The following HABP2 variants were observed in gnomAD, a reference collection of about 807,000 sequenced individuals.
HABP2 encodes hyaluronan binding protein 2.
A neutral mutation model predicts 66.5 loss-of-function variants in HABP2; 65 were observed. The ratio of observed to expected loss-of-function variants is 0.98; its 90% CI spans 0.80 to 1.20. HABP2 has a LOEUF of 1.20. Ranked by LOEUF, HABP2 falls within the 50% of genes most tolerant of loss-of-function variation. The pLI is 0.00. For synonymous variants in HABP2, 263 were observed against 253.9 expected (o/e 1.04, Z -0.34); for missense variants, 786 against 691.0 (o/e 1.14, Z -1.54).
intron 12 of HABP2, among the ~76,000 whole-genome samples, 183 bp from the exon 13 acceptor site, chr10:113,588,022 C>A (rs546531166): frequency 2.0e-5 from 3 of 152,248 alleles, no homozygotes; most frequent in Admixed American, 1.3e-4. Context: ...GTTATCTTCT[C>A]TCCCTTAGAG....
chr10:113,585,817 A>T lies in HABP2; in HGVS notation c.1397A>T (p.Asp466Val). The change falls in exon 12 of 13, where the codon GAT becomes GTT. Residue 466 changes from aspartate (D) to valine (V), a missense_variant. Coordinates refer to ENST00000351270, the MANE Select transcript of HABP2 (RefSeq NM_004132.5). ...GGAAAAGGGTCCCGCCAGCTCCTGG[A>T]TGCCAAAGTCAAGCTGATTGCCAAC... ...ETGKGSRQLL[D>V]AKVKLIANTL... 5 of 1,613,810 alleles carry T rather than the reference A, an allele frequency of 3.1e-6. No individual in the cohort carries two copies. Among genetic ancestry groups the T allele is most frequent in the Non-Finnish European group, 4.2e-6 (5 of 1,179,700 alleles).
intron 1 of HABP2, among the ~76,000 whole-genome samples, chr10:113,564,278 A>G (rs567093317): frequency 6.6e-6 from 1 of 152,236 alleles, no homozygotes; most frequent in African/African-American, 2.4e-5. Context: ...GGTCCCTCCT[A>G]TGACACATGG....
At chr10:113,572,787 T>A (rs1429969137) in intron 2 of HABP2, 6 of 436,150 alleles carry the variant, frequency 1.4e-5, no homozygotes, top group African/African-American at 1.0e-4. Flanking sequence ...GGAGAAATAA[T>A]GAGCAAGCCA....
intron 7 of HABP2, 54 bp from the exon 8 acceptor site, chr10:113,580,541 G>C: frequency 1.1e-6 from 1 of 912,802 alleles, no homozygotes; most frequent in Non-Finnish European, 1.8e-6. Flanking sequence ...TCTTTAATAA[G>C]ATCCAGTGTG....
rs1330020247 is a variant in HABP2 at position 113,581,908 on chromosome 10, C to A, written c.871C>A (p.Pro291Thr). The change falls in exon 9 of 13, where the codon CCA (proline) becomes ACA (threonine). Residue 291 changes from proline (P) to threonine (T), a missense_variant. Coordinates refer to ENST00000351270, the MANE Select transcript of HABP2 (RefSeq NM_004132.5). ...CTACCCAGAGGAAAGCCCCACTGAGCCATCAACCAAGCTTCCGGGGTTTGA... is the reference window on the plus strand; with the variant it reads ...CTACCCAGAGGAAAGCCCCACTGAGACATCAACCAAGCTTCCGGGGTTTGA... ...VAYPEESPTE[P>T]STKLPGFDSC... 6.2e-7 allele frequency: 1 copy of A among 1,613,992 alleles called. No homozygotes were observed. Among genetic ancestry groups the A allele is most frequent in the South Asian group, 1.1e-5 (1 of 91,078 alleles).
At chr10:113,582,175 G>A in intron 9 of HABP2, 44 bp downstream of exon 9, 3 of 1,562,954 alleles carry the variant, frequency 1.9e-6, no homozygotes, top group South Asian at 2.3e-5. Context: ...TTGAGTGGCT[G>A]GGGGTGCTCT....
intron 2 of HABP2, among the ~76,000 whole-genome samples, chr10:113,573,164 G>T (rs1291209714): frequency 6.6e-6 from 1 of 152,170 alleles, no homozygotes; most frequent in African/African-American, 2.4e-5. Context: ...ACTCCAGCCG[G>T]CTGGAGAGAG....
intron 10 of HABP2, 134 bp downstream of exon 10, chr10:113,583,492 T>C: frequency 4.1e-6 from 3 of 739,226 alleles, no homozygotes; most frequent in Middle Eastern, 2.5e-4. Flanking sequence ...CGGTAGGGAA[T>C]GTATTCCAGG....
At chr10:113,578,208 T>A in intron 6 of HABP2, 63 bp downstream of exon 6, 1 of 1,560,850 alleles carries the variant, frequency 6.4e-7, no homozygotes, top group South Asian at 1.1e-5. Context: ...CCTCTCTGGG[T>A]TTTGTTGCCA....
intron 1 of HABP2, among the ~76,000 whole-genome samples, chr10:113,565,000 C>A (rs1338614136): frequency 6.7e-6 from 1 of 148,944 alleles, no homozygotes; most frequent in Non-Finnish European, 1.5e-5. Flanking sequence ...GCCCCCGCTG[C>A]CACATCCAGC....
At position 113,588,503 on chromosome 10, in the gene HABP2, AC is replaced by A. The variant is rs1274591021; in HGVS notation, c.*135del. ...ACTATCCCTACTCTAAGCAGAGACA[AC>A]TGCCACCCAGCCTGGGCCTTCCCAG... On this transcript the variant is annotated 3_prime_UTR_variant, in exon 13 of 13. Coordinates refer to ENST00000351270, the MANE Select transcript of HABP2 (RefSeq NM_004132.5). 3.3e-5 allele frequency: 21 copies of A among 629,126 alleles called. No individual in the cohort carries two copies. Among genetic ancestry groups the A allele is most frequent in the Non-Finnish European group, 5.1e-5 (19 of 375,374 alleles). 39.0% of individuals were successfully genotyped at this position (629,126 alleles called of 1,614,324 possible). A position where few individuals can be genotyped will look rare whatever the true frequency, so the allele number is the denominator to read the frequency against.
intron 2 of HABP2, among the ~76,000 whole-genome samples, chr10:113,571,404 TC>T: frequency 6.6e-6 from 1 of 152,308 alleles, no homozygotes; most frequent in African/African-American, 2.4e-5. Flanking sequence ...GTCATGTGGG[TC>T]CAGGAGTGGG....
At position 113,589,569 on chromosome 10, in the gene HABP2, T is replaced by G. The variant is rs1845819224; in HGVS notation, c.*1200T>G. On this transcript the variant is annotated 3_prime_UTR_variant, in exon 13 of 13. Coordinates refer to ENST00000351270, the MANE Select transcript of HABP2 (RefSeq NM_004132.5). The stretch of plus-strand genomic sequence containing the variant: ...CGTTTCACACTTCTTTAGAGCTAGC[T>G]GACCTTTGGCCAAAAATAAACTTTG... 2.1e-6 allele frequency: 3 copies of G among 1,445,584 alleles called. No individual in the cohort carries two copies. The highest frequency in any genetic ancestry group is 1.3e-5 in the South Asian group (1 of 76,104). The allele number at this position is 1,445,584 out of a possible 1,614,324, so 89.5% of individuals were successfully genotyped here.
Position 113,577,387 on chromosome 10 carries a change from T to A in HABP2, c.448+121T>A, listed in dbSNP as rs187523384. On this transcript the variant is annotated intron_variant, in intron 5 of 12. Coordinates refer to ENST00000351270, the MANE Select transcript of HABP2 (RefSeq NM_004132.5). ...GTGGCAGGCACCCAAGATGGTCCTT[T>A]TCCCTAGGCTTTCTAAAGATTCATT... The A allele has an allele frequency of 4.1e-4, 282 of 682,462 alleles. 3 individuals are homozygous for A. In the East Asian group the frequency reaches 6.2e-3, roughly 15 times the overall value. 42.3% of individuals were successfully genotyped at this position (682,462 alleles called of 1,614,324 possible). A position where few individuals can be genotyped will look rare whatever the true frequency, so the allele number is the denominator to read the frequency against.
intron 12 of HABP2, among the ~76,000 whole-genome samples, chr10:113,586,455 T>C (rs967205236): frequency 2.9e-5 from 3 of 102,072 alleles, no homozygotes; most frequent in Admixed American, 1.0e-4. Flanking sequence ...TTAGGACTCA[T>C]GTGTGCGTGT....
chr10:113,588,219 C>T lies in HABP2; in HGVS notation c.1533C>T (p.Gly511=). Residue 511 remains glycine (G), a synonymous_variant, in exon 13 of 13, where the codon GGC becomes GGT. Transcript: ENST00000351270. ...GTTTCCCTTAGGGTGACTCTGGAGG[C>T]CCCCTGACCTGTGAGAAGGACGGCA... The part of the protein sequence containing the change: ...GQDTCQGDSG[G]PLTCEKDGTY... 6.2e-7 allele frequency: 1 copy of T among 1,603,774 alleles called. No individual in the cohort carries two copies. The highest frequency in any genetic ancestry group is 8.5e-7 in the Non-Finnish European group (1 of 1,175,592).
chr10:113,556,713 C>CA (rs552169031), intron 1 of HABP2, among the ~76,000 whole-genome samples: 219 of 146,392 alleles, frequency 1.5e-3, no homozygotes, highest in Admixed American at 3.2e-3. Flanking sequence ...GACTCCATCT[C>CA]AAAAAAAGTT....
At chr10:113,567,642 G>T (rs961839010) in intron 2 of HABP2, 117 bp downstream of exon 2, 25 of 747,628 alleles carry the variant, frequency 3.3e-5, no homozygotes, top group Non-Finnish European at 4.5e-5. Context: ...CTGGTTCCAG[G>T]TTGTCACAGG....
chr10:113,574,461 A>G (rs562874359), intron 3 of HABP2, 56 bp downstream of exon 3: 2 of 835,304 alleles, frequency 2.4e-6, no homozygotes, highest in East Asian at 2.5e-5. Flanking sequence ...AGCGGAGTGT[A>G]TGTGGGACCA....
Sources: gnomAD v4.1 joint callset for allele counts (sites outside exome capture counted in the v4.1 genomes callset) on GRCh38, gnomAD v4.1.1 for gene constraint, MANE v1.5 for transcripts, NCBI Gene and HGNC (gene_info 2026-07-23, HGNC 2026-07-21) for gene names.